The following FHOD3 variants were observed in gnomAD, a reference collection of about 807,000 sequenced individuals.
FHOD3 encodes the protein FH1/FH2 domain-containing protein 3.
FHOD3 carries 90 observed loss-of-function variants against 173.0 expected under a neutral mutation model. The observed-to-expected ratio is 0.52, with a 90% CI of 0.44 to 0.62. The LOEUF is 0.62. Among genes scored for constraint, FHOD3 ranks in the 20% least tolerant of loss-of-function variants. FHOD3 has a pLI of 0.00. For missense variants in FHOD3, 1,945 were observed against 2,034.7 expected (o/e 0.96, Z 0.85); for synonymous variants, 828 against 823.0 (o/e 1.01, Z -0.10).
At chr18:36,503,927 G>A (rs893495936) in intron 4 of FHOD3, among the ~76,000 whole-genome samples, 4 of 152,008 alleles carry the variant, frequency 2.6e-5, no homozygotes, top group African/African-American at 4.8e-5. Flanking sequence ...CTGGACCTGC[G>A]ACTTATTGAT....
chr18:36,324,214 A>G (rs993265801), intron 1 of FHOD3, among the ~76,000 whole-genome samples: 5 of 152,270 alleles, frequency 3.3e-5, no homozygotes, highest in Non-Finnish European at 5.9e-5. Context: ...ATGTTGCAGT[A>G]TGTACAAAAC....
chr18:36,656,343 G>A (rs1189495983), intron 13 of FHOD3, among the ~76,000 whole-genome samples: 1 of 152,086 alleles, frequency 6.6e-6, no homozygotes, highest in Non-Finnish European at 1.5e-5. Context: ...AGAGTGTTGG[G>A]TTTTTAAAGA....
intron 5 of FHOD3, among the ~76,000 whole-genome samples, chr18:36,514,011 A>ATTTTTTTTTTTTTTT (rs1555735785): frequency 2.1e-4 from 14 of 65,610 alleles, no homozygotes; most frequent in Non-Finnish European, 2.3e-4. Context: ...TGCTATTTCT[A>ATTTTTTTTTTTTTTT]TTCTTTTTTT....
chr18:36,702,067 T>A (rs999888443), intron 17 of FHOD3, among the ~76,000 whole-genome samples: 1 of 152,208 alleles, frequency 6.6e-6, no homozygotes, highest in African/African-American at 2.4e-5. Context: ...TGAGTAGAAT[T>A]TCTTTTGTGA....
At chr18:36,502,243 T>G (rs539943230) in intron 4 of FHOD3, among the ~76,000 whole-genome samples, 106 of 150,320 alleles carry the variant, frequency 7.1e-4, no homozygotes, top group African/African-American at 2.4e-3. Flanking sequence ...ACTTCTAGTT[T>G]TTTTTTTTTT....
chr18:36,646,408 C>A (rs1395995160), intron 10 of FHOD3, among the ~76,000 whole-genome samples: 1 of 152,056 alleles, frequency 6.6e-6, no homozygotes, highest in Non-Finnish European at 1.5e-5. Context: ...CTATATATAT[C>A]ACAACCATAG....
At chr18:36,624,056 C>T (rs2033911886) in intron 9 of FHOD3, among the ~76,000 whole-genome samples, 1 of 152,206 alleles carries the variant, frequency 6.6e-6, no homozygotes, top group African/African-American at 2.4e-5. Context: ...TAAGAACACC[C>T]ACAAGGCTGG....
intron 15 of FHOD3, among the ~76,000 whole-genome samples, 199 bp from the exon 16 acceptor site, chr18:36,686,929 A>G (rs1216934773): frequency 6.6e-6 from 1 of 152,152 alleles, no homozygotes; most frequent in Non-Finnish European, 1.5e-5. Flanking sequence ...AATCCCTGTG[A>G]TTGTATTGAA....
At chr18:36,551,240 C>T (rs2057641215) in intron 5 of FHOD3, among the ~76,000 whole-genome samples, 1 of 152,028 alleles carries the variant, frequency 6.6e-6, no homozygotes, top group Non-Finnish European at 1.5e-5. Flanking sequence ...TGTACCTGGT[C>T]ACATTGTATT....
intron 1 of FHOD3, among the ~76,000 whole-genome samples, chr18:36,345,678 A>G (rs899933333): frequency 2.6e-5 from 4 of 152,246 alleles, no homozygotes; most frequent in East Asian, 1.9e-4. Context: ...TGAAAAGAAG[A>G]AAGGCTGAAA....
intron 2 of FHOD3, among the ~76,000 whole-genome samples, chr18:36,359,880 A>G (rs2046527946): frequency 6.6e-6 from 1 of 152,192 alleles, no homozygotes; most frequent in Non-Finnish European, 1.5e-5. Flanking sequence ...CATAATACAC[A>G]CTCAAAACTG....
At chr18:36,559,388 C>T (rs1009324818) in intron 5 of FHOD3, among the ~76,000 whole-genome samples, 8 of 152,274 alleles carry the variant, frequency 5.3e-5, no homozygotes, top group African/African-American at 1.9e-4. Context: ...ATCAGTCCTC[C>T]TCCACTCAGA....
At chr18:36,578,425 C>T (rs1432569984) in intron 6 of FHOD3, among the ~76,000 whole-genome samples, 1 of 152,190 alleles carries the variant, frequency 6.6e-6, no homozygotes, top group Non-Finnish European at 1.5e-5. Flanking sequence ...CCCACTGGGT[C>T]CCTCCCATGA....
rs1363978751 is a variant in FHOD3, at chr18:36,411,195, A to C, written c.337+38451A>C. Among the ~76,000 whole-genome samples the C allele has an allele frequency of 2.0e-5, 3 of 152,184 alleles. No homozygotes were observed. In the East Asian group the frequency reaches 5.8e-4, roughly 29 times the overall value. ...TGTATTTAGTGTGAGGTAGGGGTCC[A>C]ATTTAATTTTTTTTGCATATGGATA... On this transcript the variant is annotated intron_variant, in intron 3 of 28. Transcript: ENST00000590592.
chr18:36,516,156 C>T lies in FHOD3; in HGVS notation c.511+3613C>T, dbSNP rs145461762. ...CTGATAACTGCTGGCAGCCACTGGA[C>T]ATTTGCGATCAAGAACAACCTTTGA... is the stretch of plus-strand genomic sequence containing the variant. On this transcript the variant is annotated intron_variant, in intron 5 of 28. Transcript: ENST00000590592. 2.0e-5 allele frequency among the ~76,000 whole-genome samples: 3 copies of T among 152,194 alleles called. No individual in the cohort carries two copies. In the East Asian group the frequency reaches 5.8e-4, roughly 29 times the overall value.
intron 16 of FHOD3, among the ~76,000 whole-genome samples, chr18:36,692,070 A>G (rs1018625760): frequency 3.3e-5 from 5 of 152,232 alleles, no homozygotes; most frequent in African/African-American, 9.6e-5. Flanking sequence ...GGAGATGTGC[A>G]TGCAAGTGTG....
chr18:36,386,817 G>A (rs2048056721), intron 3 of FHOD3, among the ~76,000 whole-genome samples: 1 of 152,056 alleles, frequency 6.6e-6, no homozygotes, highest in African/African-American at 2.4e-5. Flanking sequence ...GGACTCATAG[G>A]GCCTCCAGGC....
At chr18:36,322,819 G>A (rs913097276) in intron 1 of FHOD3, among the ~76,000 whole-genome samples, 1 of 152,080 alleles carries the variant, frequency 6.6e-6, no homozygotes, top group African/African-American at 2.4e-5. Flanking sequence ...TTCCCTGATA[G>A]GGTCATCCTC....
intron 1 of FHOD3, among the ~76,000 whole-genome samples, chr18:36,304,776 C>T (rs896409022): frequency 6.6e-6 from 1 of 152,208 alleles, no homozygotes; most frequent in African/African-American, 2.4e-5. Context: ...CCTGTGGTTT[C>T]AGTATATGCT....
Sources: allele counts gnomAD v4.1 joint callset (sites outside exome capture counted in the v4.1 genomes callset), GRCh38; gene constraint gnomAD v4.1.1; transcripts MANE v1.5; gene names NCBI Gene and HGNC (gene_info 2026-07-23, HGNC 2026-07-21).